The following EPB41L4B variants were observed in gnomAD, a reference collection of about 807,000 sequenced individuals.
EPB41L4B encodes the protein band 4.1-like protein 4B.
Under a neutral mutation model 112.5 loss-of-function variants are expected in EPB41L4B, and 30 were observed. The ratio of observed to expected loss-of-function variants is 0.27; its 90% CI spans 0.20 to 0.36. The LOEUF is 0.36. Among genes scored for constraint, EPB41L4B ranks in the 10% least tolerant of loss-of-function variants. The pLI is 1.00. For synonymous variants in EPB41L4B, 408 were observed against 439.7 expected, an observed-to-expected ratio of 0.93 and a Z score of 0.90; for missense variants, 1,024 against 1,133.3, an observed-to-expected ratio of 0.90 and a Z score of 1.38.
intron 1 of EPB41L4B, among the ~76,000 whole-genome samples, chr9:109,315,002 C>A (rs1266897245): frequency 6.6e-6 from 1 of 152,160 alleles, no homozygotes; most frequent in Non-Finnish European, 1.5e-5. Context: ...AGCTGCTCTA[C>A]CGTTGCCCCC....
At chr9:109,248,354 A>T (rs992718475) in intron 13 of EPB41L4B, among the ~76,000 whole-genome samples, 3 of 152,214 alleles carry the variant, frequency 2.0e-5, no homozygotes, top group Non-Finnish European at 4.4e-5. Context: ...GGAACTTCAC[A>T]TCTGTTATTA....
intron 1 of EPB41L4B, among the ~76,000 whole-genome samples, chr9:109,312,508 C>T (rs572883130): frequency 5.9e-5 from 9 of 152,084 alleles, no homozygotes; most frequent in Non-Finnish European, 1.0e-4. Flanking sequence ...GCTCAGAGCC[C>T]TCCCACCCCC....
intron 25 of EPB41L4B, among the ~76,000 whole-genome samples, chr9:109,174,919 T>A (rs995222643): frequency 1.4e-5 from 2 of 141,176 alleles, no homozygotes; most frequent in South Asian, 2.4e-4. Flanking sequence ...AGTGTTTTTT[T>A]TTTTTTTTTT....
At chr9:109,275,632 C>T (rs532184196) in intron 2 of EPB41L4B, among the ~76,000 whole-genome samples, 21 of 152,302 alleles carry the variant, frequency 1.4e-4, no homozygotes, top group African/African-American at 5.1e-4. Context: ...AGAGGAGACC[C>T]ATATCCACGT....
At chr9:109,254,113 G>A (rs547815302) in intron 11 of EPB41L4B, among the ~76,000 whole-genome samples, 9 of 152,278 alleles carry the variant, frequency 5.9e-5, no homozygotes. Context: ...CACCTGCTCT[G>A]TGTGCCTCTA....
At chr9:109,217,857 G>A (rs533807540) in intron 15 of EPB41L4B, among the ~76,000 whole-genome samples, 25 of 152,016 alleles carry the variant, frequency 1.6e-4, no homozygotes, top group Admixed American at 5.2e-4. Context: ...ACAGGTGTAA[G>A]CCACTGTGCC....
chr9:109,259,820 T>G (rs1476206591), intron 6 of EPB41L4B, among the ~76,000 whole-genome samples: 2 of 152,096 alleles, frequency 1.3e-5, no homozygotes, highest in African/African-American at 4.8e-5. Context: ...GTATCACAAC[T>G]CAGGAGGCAT....
intron 17 of EPB41L4B, among the ~76,000 whole-genome samples, chr9:109,208,929 G>T (rs576213539): frequency 6.6e-6 from 1 of 152,230 alleles, no homozygotes; most frequent in South Asian, 2.1e-4. Flanking sequence ...ACCTACTAAA[G>T]AAGATTATGA....
At chr9:109,258,126 A>G (rs1835052871) in intron 7 of EPB41L4B, 51 bp downstream of exon 7, 1 of 1,577,198 alleles carries the variant, frequency 6.3e-7, no homozygotes, top group African/African-American at 1.3e-5. Context: ...ATCAACACTT[A>G]TTTATGACAA....
chr9:109,290,431 A>G (rs1363146653), intron 1 of EPB41L4B, among the ~76,000 whole-genome samples: 1 of 152,124 alleles, frequency 6.6e-6, no homozygotes, highest in Non-Finnish European at 1.5e-5. Context: ...TGAAAGAAAA[A>G]TTGAGGTTAG....
chr9:109,298,336 C>T (rs1836819626), intron 1 of EPB41L4B, among the ~76,000 whole-genome samples: 1 of 132,328 alleles, frequency 7.6e-6, no homozygotes, highest in Non-Finnish European at 1.6e-5. Flanking sequence ...TTCCCCAAGA[C>T]AAGGTCTTGC....
At chr9:109,225,850 TGCTAAG>T (rs1429908880) in intron 15 of EPB41L4B, among the ~76,000 whole-genome samples, 4 of 152,184 alleles carry the variant, frequency 2.6e-5, no homozygotes, top group South Asian at 4.1e-4. Context: ...GCACTGCATG[TGCTAAG>T]GCCTGGAGTT....
intron 15 of EPB41L4B, among the ~76,000 whole-genome samples, chr9:109,218,972 C>G (rs903773509): frequency 6.6e-6 from 1 of 152,206 alleles, no homozygotes; most frequent in Non-Finnish European, 1.5e-5. Flanking sequence ...CATACTAGAA[C>G]AAACTGCTAA....
intron 2 of EPB41L4B, among the ~76,000 whole-genome samples, chr9:109,270,483 G>A (rs1835569370): frequency 6.6e-6 from 1 of 152,194 alleles, no homozygotes; most frequent in South Asian, 2.1e-4. Flanking sequence ...GATGCTGCCA[G>A]TGCCCTCAAA....
intron 1 of EPB41L4B, among the ~76,000 whole-genome samples, chr9:109,316,601 G>A (rs1384305170): frequency 1.3e-5 from 2 of 152,230 alleles, no homozygotes; most frequent in South Asian, 2.1e-4. Context: ...GGGAGGTGCT[G>A]TCGAAGGCAG....
At chr9:109,312,264 T>C (rs1237047426) in intron 1 of EPB41L4B, among the ~76,000 whole-genome samples, 4 of 152,222 alleles carry the variant, frequency 2.6e-5, no homozygotes, top group African/African-American at 9.6e-5. Context: ...GATAGGAATA[T>C]GAAAATGTTT....
chr9:109,240,843 G>T (rs73654236), intron 15 of EPB41L4B: 34 of 985,248 alleles, frequency 3.5e-5, no homozygotes, highest in African/African-American at 5.2e-5. Flanking sequence ...CTGAAATCAC[G>T]CAAGTTAGCA....
At chr9:109,181,046 C>G (rs753751584) in intron 24 of EPB41L4B, among the ~76,000 whole-genome samples, 4 of 152,202 alleles carry the variant, frequency 2.6e-5, no homozygotes, top group Non-Finnish European at 4.4e-5. Context: ...GGGTCTCACT[C>G]TGTTGCCCAG....
intron 15 of EPB41L4B, 37 bp from the exon 16 acceptor site, chr9:109,217,182 G>A (rs772747164): frequency 1.9e-6 from 3 of 1,597,236 alleles, no homozygotes; most frequent in Non-Finnish European, 2.6e-6. Context: ...TAGAAAAGCA[G>A]AATGCCTTGC....
Sources: allele counts gnomAD v4.1 joint callset (sites outside exome capture counted in the v4.1 genomes callset), GRCh38; gene constraint gnomAD v4.1.1; transcripts MANE v1.5; gene names NCBI Gene and HGNC (gene_info 2026-07-23, HGNC 2026-07-21).